The following ZFHX3 variants were observed in gnomAD, a reference collection of about 807,000 sequenced individuals.
The protein encoded by ZFHX3 is zinc finger homeobox 3, also known as zinc finger homeobox protein 3.
ZFHX3 carries 42 observed loss-of-function variants against 279.1 expected under a neutral mutation model. The observed-to-expected ratio is 0.15, with a 90% confidence interval of 0.12 to 0.19. The LOEUF (loss-of-function observed/expected upper bound fraction) is 0.19. Ranked by LOEUF, ZFHX3 falls within the 10% of genes least tolerant of loss-of-function variation. The pLI is 1.00. For missense variants in ZFHX3, 4,981 were observed against 4,754.0 expected (o/e 1.05, Z -1.40); for synonymous variants, 2,293 against 1,957.8 (o/e 1.17, Z -4.52).
At chr16:72,897,189 T>G (rs2038920720) in intron 3 of ZFHX3, among the ~76,000 whole-genome samples, 1 of 152,210 alleles carries the variant, frequency 6.6e-6, no homozygotes, top group Non-Finnish European at 1.5e-5. Flanking sequence ...TGGAAGAAGC[T>G]GCCCGTTACA....
At chr16:73,325,013 T>C (rs931531923) in intron 3 of ZFHX3, among the ~76,000 whole-genome samples, 1 of 152,220 alleles carries the variant, frequency 6.6e-6, no homozygotes, top group Non-Finnish European at 1.5e-5. Context: ...TATTTTTGTA[T>C]AGCGCTTTTG....
At chr16:73,229,970 A>G (rs1441217404) in intron 5 of ZFHX3, among the ~76,000 whole-genome samples, 1 of 152,206 alleles carries the variant, frequency 6.6e-6, no homozygotes, top group Non-Finnish European at 1.5e-5. Flanking sequence ...GAGTGGATAG[A>G]TACATGAATG....
In ZFHX3 at chr16:72,916,384, T is replaced by C. The variant is rs531927359; in HGVS notation, c.3217-26422A>G. ...AAAATGTTGGCCCAGAGAATGCTGATGATAAATCAAAGTCAACATGGAGGA... is the reference window on the plus strand; with the variant it reads ...AAAATGTTGGCCCAGAGAATGCTGACGATAAATCAAAGTCAACATGGAGGA... On this transcript the variant is annotated intron_variant, in intron 3 of 9. Transcript: ENST00000268489. Among the ~76,000 whole-genome samples, 5 of 152,352 alleles carry C rather than the reference T, an allele frequency of 3.3e-5. No homozygotes were observed. The East Asian group carries it at 9.6e-4, about 29-fold the overall frequency.
chr16:73,860,315 G>A (rs562397607), intron 1 of ZFHX3, among the ~76,000 whole-genome samples: 67 of 151,966 alleles, frequency 4.4e-4, no homozygotes, highest in African/African-American at 1.2e-3. Flanking sequence ...AAGGTTCTCT[G>A]TGCTTCATAA....
Position 72,808,448 on chromosome 16 carries a change from A to G in ZFHX3, c.3864+3129T>C, listed in dbSNP as rs140092565. 4.3e-3 allele frequency among the ~76,000 whole-genome samples: 661 copies of G among 152,356 alleles called. 4 individuals carry two copies. The highest frequency in any genetic ancestry group is 0.015 in the African/African-American group (626 of 41,586). On this transcript the variant is annotated intron_variant, in intron 7 of 9. Coordinates refer to ENST00000268489, the MANE Select transcript of ZFHX3 (RefSeq NM_006885.4). ...CCAGTTCAATACTGACAGCCATGCC[A>G]TAACTCCATGCAAAGAGAAAACTCA...
chr16:73,068,368 A>G (rs1239939323), intron 8 of ZFHX3, among the ~76,000 whole-genome samples: 3 of 152,190 alleles, frequency 2.0e-5, no homozygotes, highest in Non-Finnish European at 4.4e-5. Context: ...ATATTCCCGG[A>G]AGGGTGCTCT....
chr16:73,288,036 G>A (rs932260801), intron 4 of ZFHX3, among the ~76,000 whole-genome samples: 10 of 152,076 alleles, frequency 6.6e-5, no homozygotes, highest in African/African-American at 2.4e-4. Flanking sequence ...CTGGGCCGGC[G>A]GAGATGGACT....
At chr16:73,354,599 C>T (rs2016303896) in intron 3 of ZFHX3, among the ~76,000 whole-genome samples, 1 of 152,190 alleles carries the variant, frequency 6.6e-6, no homozygotes, top group Admixed American at 6.5e-5. Context: ...CTCCCCAGTC[C>T]AGCGTCTGCC....
intron 3 of ZFHX3, among the ~76,000 whole-genome samples, chr16:73,417,988 C>CAAAA (rs71156161): frequency 1.6e-3 from 91 of 57,790 alleles, no homozygotes; most frequent in East Asian, 5.8e-3. Flanking sequence ...GACTCCATCT[C>CAAAA]AAAAAAAAAA....
intron 5 of ZFHX3, among the ~76,000 whole-genome samples, chr16:73,254,289 G>A (rs2013599672): frequency 1.3e-5 from 2 of 152,060 alleles, no homozygotes; most frequent in Non-Finnish European, 2.9e-5. Flanking sequence ...TGTGTAGCAG[G>A]TTGAAGCTCT....
chr16:72,905,253 G>T (rs1177410897), intron 3 of ZFHX3, among the ~76,000 whole-genome samples: 2 of 152,156 alleles, frequency 1.3e-5, no homozygotes, highest in East Asian at 3.8e-4. Context: ...AATATTTATT[G>T]CTTGTTTAAA....
intron 2 of ZFHX3, among the ~76,000 whole-genome samples, chr16:73,644,538 G>A (rs1429375129): frequency 3.9e-5 from 6 of 152,126 alleles, no homozygotes; most frequent in Non-Finnish European, 8.8e-5. Flanking sequence ...GCGGGTGCCT[G>A]TAATCCCAGC....
intron 5 of ZFHX3, among the ~76,000 whole-genome samples, chr16:73,173,375 C>T (rs1328249065): frequency 1.3e-5 from 2 of 149,910 alleles, no homozygotes; most frequent in African/African-American, 2.5e-5. Context: ...CCCCGCCCCT[C>T]CCGCCCCGGC....
Position 72,787,574 on chromosome 16 carries a change from G to A in ZFHX3, c.10702C>T (p.His3568Tyr), listed in dbSNP as rs2143276539. Residue 3568 changes from histidine (H) to tyrosine (Y), a missense_variant, in exon 10 of 10, where the codon CAC (histidine) becomes TAC (tyrosine). His to Tyr is a moderately conservative substitution (Grantham distance 83). This residue lies in a region of ZFHX3 where 1,034 missense variants were observed against 786.0 expected (regional missense o/e 1.32). Coordinates refer to ENST00000268489, the MANE Select transcript of ZFHX3 (RefSeq NM_006885.4). ...GCAGAGTGAGGTAATAAACTAGGGT[G>A]CTCTTTGGCGTTTCTTGCTGCTCTC... is the stretch of plus-strand genomic sequence containing the variant. Reference protein sequence around the residue: ...ITRAARNAKEHPSLLPHSACF... With the variant: ...ITRAARNAKEYPSLLPHSACF... The A allele has an allele frequency of 6.2e-7, 1 of 1,613,982 alleles. No homozygotes were observed. Among genetic ancestry groups the A allele is most frequent in the Non-Finnish European group, 8.5e-7 (1 of 1,179,982 alleles).
chr16:73,417,088 C>A (rs921032439), intron 3 of ZFHX3, among the ~76,000 whole-genome samples: 1 of 152,064 alleles, frequency 6.6e-6, no homozygotes, highest in African/African-American at 2.4e-5. Context: ...GGGCACGTCA[C>A]CTCTGCTATT....
intron 1 of ZFHX3, among the ~76,000 whole-genome samples, chr16:73,751,322 T>C (rs992762412): frequency 1.3e-5 from 2 of 152,144 alleles, no homozygotes; most frequent in African/African-American, 4.8e-5. Flanking sequence ...TAGAAACATA[T>C]AGTCATAAAC....
intron 1 of ZFHX3, among the ~76,000 whole-genome samples, chr16:73,754,779 T>C (rs2053793125): frequency 6.6e-6 from 1 of 152,112 alleles, no homozygotes; most frequent in Non-Finnish European, 1.5e-5. Context: ...GAGAGATTAA[T>C]GACAGAGGGT....
Position 72,793,212 on chromosome 16 carries a change from G to A in ZFHX3, c.9427+43C>T. 3 of 1,554,346 alleles carry A rather than the reference G, an allele frequency of 1.9e-6. No individual in the cohort carries two copies. Among genetic ancestry groups the A allele is most frequent in the African/African-American group, 1.4e-5 (1 of 73,276 alleles). ...ATCCACATAACAGAATGCTGACTGG[G>A]CAGCTATTTAGCCCTGAAACAATCG... On this transcript the variant is annotated intron_variant, in intron 9 of 9. Coordinates refer to ENST00000268489, the MANE Select transcript of ZFHX3 (RefSeq NM_006885.4). This position sits in a 1 kb window ranked among gnomAD's most constrained non-coding sequence, Gnocchi z 4.3.
chr16:72,868,368 T>G (rs1337224773), intron 4 of ZFHX3, among the ~76,000 whole-genome samples: 2 of 152,182 alleles, frequency 1.3e-5, no homozygotes, highest in African/African-American at 2.4e-5. Flanking sequence ...TTACCTGCTC[T>G]CTTCCCCATT....
Sources: gnomAD v4.1 joint callset for allele counts (sites outside exome capture counted in the v4.1 genomes callset) on GRCh38, gnomAD v4.1.1 for gene constraint, gnomAD v4.1.1 regional missense constraint, Gnocchi (gnomAD v3.1) non-coding constraint, MANE v1.5 for transcripts, NCBI Gene and HGNC (gene_info 2026-07-23, HGNC 2026-07-21) for gene names.